Variants in POU6F2 observed in about 807,000 individuals in gnomAD.
POU6F2 encodes POU domain, class 6, transcription factor 2.
Under a neutral mutation model 71.3 loss-of-function variants are expected in POU6F2, and 31 were observed. That is an observed-to-expected ratio of 0.43 (90% CI 0.33 to 0.59). The LOEUF (loss-of-function observed/expected upper bound fraction) is 0.59, where lower values mean the gene tolerates loss of function less well. Ranked by LOEUF, POU6F2 falls within the 20% of genes least tolerant of loss-of-function variation. The pLI, the probability that POU6F2 is intolerant of heterozygous loss-of-function variation, is 0.04. For synonymous variants in POU6F2, 347 were observed against 355.7 expected (o/e 0.98, Z 0.27); for missense variants, 783 against 856.8 (o/e 0.91, Z 1.07).
At chr7:39,113,516 A>G (rs550004218) in intron 2 of POU6F2, among the ~76,000 whole-genome samples, 5 of 152,310 alleles carry the variant, frequency 3.3e-5, no homozygotes, top group African/African-American at 1.2e-4. Context: ...CTCAAGTTAC[A>G]TAGACGAAAC....
chr7:39,388,063 G>A (rs1786984622), intron 5 of POU6F2, among the ~76,000 whole-genome samples: 1 of 152,226 alleles, frequency 6.6e-6, no homozygotes, highest in African/African-American at 2.4e-5. Flanking sequence ...AGAAGGAGCA[G>A]AGTAAATGTT....
chr7:39,394,730 C>T (rs973701634), intron 5 of POU6F2, among the ~76,000 whole-genome samples: 16 of 152,122 alleles, frequency 1.1e-4, no homozygotes, highest in African/African-American at 3.6e-4. Flanking sequence ...TGTGATTTAT[C>T]CAGGATTGAG....
intron 2 of POU6F2, among the ~76,000 whole-genome samples, chr7:39,132,824 TTTTCTTCAC>T (rs913084971): frequency 9.8e-5 from 15 of 152,332 alleles, no homozygotes; most frequent in Non-Finnish European, 2.2e-4. Context: ...ATGGATTTTT[TTTTCTTCAC>T]TTACCGTACT....
chr7:39,260,378 A>G (rs565356147), intron 4 of POU6F2, among the ~76,000 whole-genome samples: 5 of 151,230 alleles, frequency 3.3e-5, no homozygotes, highest in East Asian at 1.9e-4. Flanking sequence ...CACACATTCC[A>G]TACCTTGCTC....
chr7:39,147,392 G>A (rs543038691), intron 2 of POU6F2, among the ~76,000 whole-genome samples: 1 of 152,326 alleles, frequency 6.6e-6, no homozygotes, highest in Non-Finnish European at 1.5e-5. Flanking sequence ...TAGGAGACGT[G>A]TGAGCTGTTT....
chr7:39,033,565 A>G (rs1269515816), intron 1 of POU6F2, among the ~76,000 whole-genome samples: 1 of 152,208 alleles, frequency 6.6e-6, no homozygotes, highest in Non-Finnish European at 1.5e-5. Flanking sequence ...TTTCCTTTAC[A>G]ATCTACTTAG....
At chr7:39,145,187 CAA>C (rs1792593107) in intron 2 of POU6F2, among the ~76,000 whole-genome samples, 1 of 152,152 alleles carries the variant, frequency 6.6e-6, no homozygotes, top group Non-Finnish European at 1.5e-5. Flanking sequence ...AAAATTCACT[CAA>C]TATCAAAACA....
At chr7:39,212,468 C>A (rs933546777) in intron 4 of POU6F2, among the ~76,000 whole-genome samples, 10 of 152,212 alleles carry the variant, frequency 6.6e-5, no homozygotes, top group African/African-American at 2.4e-4. Context: ...TAGAAATGAC[C>A]TCCTCCTCAA....
At chr7:39,061,828 A>G (rs929574280) in intron 1 of POU6F2, among the ~76,000 whole-genome samples, 6 of 152,172 alleles carry the variant, frequency 3.9e-5, no homozygotes, top group African/African-American at 1.4e-4. Context: ...CTGCCTGTCA[A>G]ATACCAAAGA....
intron 2 of POU6F2, among the ~76,000 whole-genome samples, chr7:39,200,097 G>A (rs372251900): frequency 1.3e-5 from 2 of 152,180 alleles, no homozygotes; most frequent in Non-Finnish European, 2.9e-5. Flanking sequence ...AAAGAATGGT[G>A]CAGATAAAGA....
At chr7:39,293,105 A>G (rs1418525984) in intron 4 of POU6F2, among the ~76,000 whole-genome samples, 3 of 151,974 alleles carry the variant, frequency 2.0e-5, no homozygotes, top group African/African-American at 7.3e-5. Flanking sequence ...CAGGGATTAC[A>G]CTTTGCTGTT....
intron 5 of POU6F2, among the ~76,000 whole-genome samples, chr7:39,400,159 G>A (rs1421318136): frequency 6.6e-6 from 1 of 152,160 alleles, no homozygotes; most frequent in Admixed American, 6.5e-5. Context: ...CTACCAGCCA[G>A]GTCGAATTCT....
At chr7:39,009,455 A>C (rs1789195336) in intron 1 of POU6F2, among the ~76,000 whole-genome samples, 1 of 152,228 alleles carries the variant, frequency 6.6e-6, no homozygotes, top group Admixed American at 6.5e-5. Context: ...ATATACAATC[A>C]TGTCATCTGC....
chr7:39,001,247 A>G (rs1313922642), intron 1 of POU6F2, among the ~76,000 whole-genome samples: 2 of 149,900 alleles, frequency 1.3e-5, no homozygotes, highest in Non-Finnish European at 2.9e-5. Context: ...TCTTTGACAC[A>G]GGCCATTTTG....
At chr7:39,247,182 A>G (rs1286443541) in intron 4 of POU6F2, among the ~76,000 whole-genome samples, 3 of 152,114 alleles carry the variant, frequency 2.0e-5, no homozygotes, top group Admixed American at 6.6e-5. Flanking sequence ...AGATAAATAA[A>G]TGGAGGCCAA....
At chr7:39,279,257 C>G (rs867299367) in intron 4 of POU6F2, among the ~76,000 whole-genome samples, 1 of 151,732 alleles carries the variant, frequency 6.6e-6, no homozygotes, top group Non-Finnish European at 1.5e-5. Flanking sequence ...AACATCTACT[C>G]GAGTTCCAAG....
Position 39,266,634 on chromosome 7 carries a change from G to A in POU6F2, c.598+59014G>A, listed in dbSNP as rs181233537. 4.7e-5 allele frequency among the ~76,000 whole-genome samples: 7 copies of A among 149,918 alleles called. No individual in the cohort carries two copies. The East Asian group carries it at 7.9e-4, about 17-fold the overall frequency. ...TAGCCTTGACCTCCTGGGCTCCAGC[G>A]ATCCTCCTGCTTCAGCCTCTTGAGT... On this transcript the variant is annotated intron_variant, in intron 4 of 9. Transcript: ENST00000518318.
chr7:38,992,036 A>C (rs984995186), intron 1 of POU6F2, among the ~76,000 whole-genome samples: 11 of 152,270 alleles, frequency 7.2e-5, no homozygotes, highest in Admixed American at 7.2e-4. Context: ...CTTCACACTC[A>C]GCATCTTACT....
intron 1 of POU6F2, among the ~76,000 whole-genome samples, chr7:38,986,601 T>C (rs1049931052): frequency 9.2e-5 from 14 of 152,272 alleles, no homozygotes; most frequent in East Asian, 1.9e-4. Context: ...GCAATTCTTA[T>C]ATGCACGTGA....
Sources: gnomAD v4.1 joint callset for allele counts (sites outside exome capture counted in the v4.1 genomes callset) on GRCh38, gnomAD v4.1.1 for gene constraint, MANE v1.5 for transcripts, NCBI Gene and HGNC (gene_info 2026-07-23, HGNC 2026-07-21) for gene names.